Variants in MRC2 observed in about 807,000 individuals in gnomAD.
MRC2 encodes mannose receptor C-type 2.
Under a neutral mutation model 206.2 loss-of-function variants are expected in MRC2, and 84 were observed. The observed-to-expected ratio is 0.41, with a 90% CI of 0.34 to 0.49. The LOEUF is 0.49. MRC2 is among the 20% of genes least tolerant of loss of function. MRC2 has a pLI of 0.31. For synonymous variants in MRC2, 798 were observed against 800.0 expected, an observed-to-expected ratio of 1.00 and a Z score of 0.04; for missense variants, 1,676 against 2,001.5, an observed-to-expected ratio of 0.84 and a Z score of 3.10.
Position 62,682,423 on chromosome 17 carries a change from G to A in MRC2, c.2946+46G>A, listed in dbSNP as rs746530863. ...ACCCAAGGGAGTCAGGGGAGAGGAC[G>A]TGAACAGGGAAAGGCTGAGCCTCAG... On this transcript the variant is annotated intron_variant, in intron 20 of 29. Transcript: ENST00000303375. 31 of 1,572,764 alleles carry A rather than the reference G, an allele frequency of 2.0e-5. No individual in the cohort carries two copies. The East Asian group carries it at 3.2e-4, about 16-fold the overall frequency.
chr17:62,668,182 C>T (rs940430945), intron 6 of MRC2, among the ~76,000 whole-genome samples: 3 of 151,862 alleles, frequency 2.0e-5, no homozygotes, highest in Non-Finnish European at 4.4e-5. Context: ...CATAGCGAGA[C>T]CCTGTCTCTG....
Position 62,671,753 on chromosome 17 carries a change from A to G in MRC2, c.1222A>G (p.Lys408Glu), listed in dbSNP as rs745501334. 6.2e-7 allele frequency: 1 copy of G among 1,613,376 alleles called. No homozygotes were observed. Among genetic ancestry groups the G allele is most frequent in the Non-Finnish European group, 8.5e-7 (1 of 1,179,678 alleles). ...GAAGCGCAGCTGGCAGGAGTCCAAG[A>G]AGGCATGTCTACGGGGCGGTGGCGA... The part of the protein sequence containing the change: ...AEKRSWQESK[K>E]ACLRGGGDLV... Residue 408 changes from lysine (K) to glutamate (E), a missense_variant, in exon 7 of 30, where the codon AAG becomes GAG. Physicochemically the swap from Lys to Glu is moderately conservative, Grantham distance 56. Coordinates refer to ENST00000303375, the MANE Select transcript of MRC2 (RefSeq NM_006039.5). The surrounding 1 kb of genome is among the most constrained non-coding windows in gnomAD (Gnocchi z 4.5).
intron 12 of MRC2, 91 bp downstream of exon 12, chr17:62,677,577 TC>T (rs2088909979): frequency 8.5e-7 from 1 of 1,175,562 alleles, no homozygotes; most frequent in African/African-American, 1.5e-5. Context: ...CCAGCCACAA[TC>T]CAGAGACACA....
At chr17:62,646,314 G>A (rs571778499) in intron 1 of MRC2, among the ~76,000 whole-genome samples, 5 of 152,044 alleles carry the variant, frequency 3.3e-5, no homozygotes, top group East Asian at 1.9e-4. Flanking sequence ...GTGAGCCACC[G>A]CGCCCGGCCC....
At chr17:62,678,789 G>A in intron 13 of MRC2, 143 bp downstream of exon 13, 2 of 1,211,294 alleles carry the variant, frequency 1.7e-6, no homozygotes, top group Non-Finnish European at 2.3e-6. Flanking sequence ...TCTGCTGCTG[G>A]TGCCAGGACC....
At chr17:62,649,715 C>T (rs2088532105) in intron 1 of MRC2, among the ~76,000 whole-genome samples, 1 of 152,092 alleles carries the variant, frequency 6.6e-6, no homozygotes, top group African/African-American at 2.4e-5. Flanking sequence ...CTTGATTTCT[C>T]AGTCATATTG....
intron 1 of MRC2, among the ~76,000 whole-genome samples, chr17:62,648,141 C>T (rs749754953): frequency 6.6e-5 from 10 of 152,236 alleles, no homozygotes; most frequent in Admixed American, 1.3e-4. Context: ...TAGTGGCTCA[C>T]GCCTGCTATC....
chr17:62,688,750 G>A (rs895659337), intron 22 of MRC2, 86 bp downstream of exon 22: 1 of 1,592,650 alleles, frequency 6.3e-7, no homozygotes, highest in Non-Finnish European at 8.6e-7. Context: ...TTGCCCCAGG[G>A]TCTCCCTTCT....
At chr17:62,649,990 G>T (rs2088536777) in intron 1 of MRC2, among the ~76,000 whole-genome samples, 2 of 151,744 alleles carry the variant, frequency 1.3e-5, no homozygotes, top group South Asian at 4.2e-4. Flanking sequence ...CGCCTCCAGG[G>T]TTCAAGTGAT....
At position 62,627,929 on chromosome 17, in the gene MRC2, C is replaced by A; in HGVS notation, c.118+9C>A. The A allele has an allele frequency of 7.0e-7, 1 of 1,426,222 alleles. No individual in the cohort carries two copies. Among genetic ancestry groups the A allele is most frequent in the Non-Finnish European group, 9.1e-7 (1 of 1,099,346 alleles). The allele number at this position is 1,426,222 out of a possible 1,614,324, so 88.3% of individuals were successfully genotyped here. On this transcript the variant is annotated intron_variant, in intron 1 of 29. Coordinates refer to ENST00000303375, the MANE Select transcript of MRC2 (RefSeq NM_006039.5). ...GGACGCCGCCCTCCCGGGTAAGGCG[C>A]TGCCAACTTGGCCAACTTCAGGGCC...
chr17:62,692,391 C>T lies in MRC2; in HGVS notation c.4380C>T (p.Thr1460=), dbSNP rs1471859382. 5.7e-6 allele frequency: 9 copies of T among 1,575,350 alleles called. No homozygotes were observed. Among genetic ancestry groups the T allele is most frequent in the Non-Finnish European group, 7.8e-6 (9 of 1,160,232 alleles). ...ARYSRSSSSP[T]EATEKNILVS... ...ACAGCCGCAGCAGCTCCAGCCCCAC[C>T]GAGGCCACTGAGAAGAACATCCTGG... The change falls in exon 30 of 30, where the codon ACC becomes ACT. Residue 1460 remains threonine (T), a synonymous_variant. Coordinates refer to ENST00000303375, the MANE Select transcript of MRC2 (RefSeq NM_006039.5). This position sits in a 1 kb window ranked among gnomAD's most constrained non-coding sequence, Gnocchi z 4.2.
intron 1 of MRC2, among the ~76,000 whole-genome samples, chr17:62,643,344 A>AAAAAGAAT (rs1192303393): frequency 6.7e-6 from 1 of 149,828 alleles, no homozygotes; most frequent in Non-Finnish European, 1.5e-5. Flanking sequence ...AAAAAAAAAA[A>AAAAAGAAT]AAAGAAAAAG....
intron 1 of MRC2, among the ~76,000 whole-genome samples, chr17:62,660,572 T>A (rs2066915566): frequency 1.3e-5 from 2 of 152,176 alleles, no homozygotes; most frequent in Admixed American, 1.3e-4. Context: ...ACCTTATGAT[T>A]AAATCCAAGG....
chr17:62,669,293 CAA>C (rs1374460438), intron 6 of MRC2, among the ~76,000 whole-genome samples: 16 of 152,162 alleles, frequency 1.1e-4, no homozygotes, highest in Admixed American at 2.0e-4. Flanking sequence ...TGGCTCACCA[CAA>C]CCTCTGCCTC....
chr17:62,649,864 A>G (rs1458701073), intron 1 of MRC2, among the ~76,000 whole-genome samples: 3 of 149,932 alleles, frequency 2.0e-5, no homozygotes, highest in African/African-American at 7.3e-5. Context: ...TTTGAAATAG[A>G]TACAGCCTTC....
At chr17:62,638,743 A>C (rs1447323868) in intron 1 of MRC2, among the ~76,000 whole-genome samples, 1 of 147,572 alleles carries the variant, frequency 6.8e-6, no homozygotes, top group Non-Finnish European at 1.5e-5. Context: ...GTCTCAAAAA[A>C]AAAAAAAAAA....
intron 1 of MRC2, among the ~76,000 whole-genome samples, chr17:62,660,167 G>A (rs77596623): frequency 3.3e-5 from 5 of 152,312 alleles, no homozygotes; most frequent in Non-Finnish European, 7.4e-5. Context: ...CAGAGGTAGA[G>A]AGGAAAAAAT....
At chr17:62,632,109 A>G (rs2084220750) in intron 1 of MRC2, among the ~76,000 whole-genome samples, 1 of 151,956 alleles carries the variant, frequency 6.6e-6, no homozygotes, top group South Asian at 2.1e-4. Context: ...CCTGGAGCTC[A>G]CCCTGGGCCC....
intron 1 of MRC2, among the ~76,000 whole-genome samples, chr17:62,633,274 G>A (rs748095993): frequency 2.0e-5 from 3 of 152,000 alleles, no homozygotes; most frequent in South Asian, 2.1e-4. Flanking sequence ...AGGCCGAGGC[G>A]GGTGGATCAT....
Sources: allele counts gnomAD v4.1 joint callset (sites outside exome capture counted in the v4.1 genomes callset), GRCh38; gene constraint gnomAD v4.1.1; non-coding constraint Gnocchi (gnomAD v3.1); transcripts MANE v1.5; gene names NCBI Gene and HGNC (gene_info 2026-07-23, HGNC 2026-07-21).